PLEKHG4B: variants seen among roughly 807,000 people sequenced by gnomAD.
PLEKHG4B encodes the protein pleckstrin homology domain-containing family G member 4B.
PLEKHG4B carries 111 observed loss-of-function variants against 121.3 expected under a neutral mutation model. That is an observed-to-expected ratio of 0.92 (90% CI 0.78 to 1.07). The LOEUF is 1.07. PLEKHG4B is among the 50% of genes least tolerant of loss of function. PLEKHG4B has a pLI of 0.00. For synonymous variants in PLEKHG4B, 738 were observed against 725.0 expected, an observed-to-expected ratio of 1.02 and a Z score of -0.29; for missense variants, 1,831 against 1,757.8, an observed-to-expected ratio of 1.04 and a Z score of -0.74.
intron 1 of PLEKHG4B, among the ~76,000 whole-genome samples, chr5:103,910 C>T (rs997392671): frequency 1.3e-5 from 2 of 152,200 alleles, no homozygotes; most frequent in Non-Finnish European, 2.9e-5. Flanking sequence ...TACTCTCTAC[C>T]TTCATGAGAT....
In PLEKHG4B at chr5:171,445, G is replaced by A. The variant is rs373920135; in HGVS notation, c.4050+1G>A. ...CATGGACGCCATCCGCGGCTGTGAC[G>A]TAAGTGCCTCAGACGCTGGCAGCTC... On this transcript the variant is annotated splice_donor_variant, in intron 16 of 19. Transcript: ENST00000637938. LOFTEE classifies it high-confidence loss of function. 1.0e-5 allele frequency: 16 copies of A among 1,587,580 alleles called. No individual in the cohort carries two copies. The highest frequency in any genetic ancestry group is 4.5e-5 in the South Asian group (4 of 89,836).
Position 187,389 on chromosome 5 carries a change from C to A in PLEKHG4B, c.*5066C>A, listed in dbSNP as rs998553691. On this transcript the variant is annotated 3_prime_UTR_variant, in exon 20 of 20. Coordinates refer to ENST00000637938, the MANE Select transcript of PLEKHG4B (RefSeq NM_052909.5). ...CGGTTCTGGGGAGATGCCCGGGCCC[C>A]TCCTGGATGGCAGCAGCAGTGGAGG... 6.6e-6 allele frequency: 1 copy of A among 152,442 alleles called. No homozygotes were observed. Among genetic ancestry groups the A allele is most frequent in the African/African-American group, 2.4e-5 (1 of 41,436 alleles). 9.4% of individuals were successfully genotyped at this position (152,442 alleles called of 1,614,324 possible). A position where few individuals can be genotyped will look rare whatever the true frequency, so the allele number is the denominator to read the frequency against.
chr5:171,033 G>T lies in PLEKHG4B; in HGVS notation c.3730-10G>T. 6.2e-7 allele frequency: 1 copy of T among 1,606,794 alleles called. No homozygotes were observed. Among genetic ancestry groups the T allele is most frequent in the Non-Finnish European group, 8.5e-7 (1 of 1,176,584 alleles). ...CTCCCACAGCCAAGCAGTCGCCTCT[G>T]CTTTTCCAGGAAGAGCAGTTTGGGA... On this transcript the variant is annotated splice_polypyrimidine_tract_variant and intron_variant, in intron 14 of 19. Coordinates refer to ENST00000637938, the MANE Select transcript of PLEKHG4B (RefSeq NM_052909.5).
chr5:116,863 C>G (rs1489961073), intron 2 of PLEKHG4B, among the ~76,000 whole-genome samples: 1 of 152,158 alleles, frequency 6.6e-6, no homozygotes, highest in Non-Finnish European at 1.5e-5. Flanking sequence ...GTGGTCTGTT[C>G]AGAAGACGTT....
intron 13 of PLEKHG4B, among the ~76,000 whole-genome samples, chr5:163,991 C>A (rs1736145544): frequency 2.6e-5 from 4 of 152,276 alleles, no homozygotes; most frequent in Admixed American, 6.5e-5. Flanking sequence ...ACTTGTCGAG[C>A]CTGCAAAGGA....
chr5:98,524 T>C (rs953184676), intron 1 of PLEKHG4B, among the ~76,000 whole-genome samples: 4 of 130,376 alleles, frequency 3.1e-5, no homozygotes, highest in African/African-American at 1.1e-4. Context: ...AAATTCTGCC[T>C]CCCAGGTTCA....
intron 6 of PLEKHG4B, among the ~76,000 whole-genome samples, chr5:147,236 G>C (rs555593268): frequency 6.6e-5 from 10 of 152,378 alleles, no homozygotes; most frequent in Admixed American, 1.3e-4. Context: ...CACAGACACT[G>C]TCAGGAAAGC....
chr5:158,845 C>CCAAGT (rs1184246113), intron 11 of PLEKHG4B, among the ~76,000 whole-genome samples: 1 of 152,058 alleles, frequency 6.6e-6, no homozygotes, highest in Non-Finnish European at 1.5e-5. Flanking sequence ...TTTCCTGTAT[C>CCAAGT]CAAGTCTTCC....
At chr5:104,752 C>T (rs1733924704) in intron 1 of PLEKHG4B, among the ~76,000 whole-genome samples, 1 of 152,344 alleles carries the variant, frequency 6.6e-6, no homozygotes, top group East Asian at 1.9e-4. Context: ...TGCATTTCAA[C>T]CACCATTGCC....
In PLEKHG4B at chr5:163,682, G is replaced by A. The variant is rs571750793; in HGVS notation, c.3476+134G>A. 3.7e-3 allele frequency: 2,871 copies of A among 783,510 alleles called. 12 individuals are homozygous for A. Among genetic ancestry groups the A allele is most frequent in the Non-Finnish European group, 4.2e-3 (2,120 of 508,182 alleles). 48.5% of individuals were successfully genotyped at this position (783,510 alleles called of 1,614,324 possible). On this transcript the variant is annotated intron_variant, in intron 13 of 19. Coordinates refer to ENST00000637938, the MANE Select transcript of PLEKHG4B (RefSeq NM_052909.5). ...GACATCCCTCTGGGTCCACCTGTCC[G>A]GTCTAAGAAGAAACACAATTTTAAA...
At chr5:152,273 C>T (rs976175604) in intron 7 of PLEKHG4B, among the ~76,000 whole-genome samples, 4 of 150,650 alleles carry the variant, frequency 2.7e-5, no homozygotes, top group African/African-American at 7.4e-5. Context: ...TGTGGTTGTG[C>T]AATCAGAGCT....
intron 19 of PLEKHG4B, 37 bp from the exon 20 acceptor site, chr5:181,967 C>CG (rs1560959720): frequency 6.3e-7 from 1 of 1,590,164 alleles, no homozygotes; most frequent in Non-Finnish European, 8.6e-7. Flanking sequence ...ACTTCTGGAG[C>CG]GGAAGCCAGC....
rs1328775674 is a variant in PLEKHG4B, at chr5:157,958, C to T, written c.2487+1047C>T. 6.6e-6 allele frequency among the ~76,000 whole-genome samples: 1 copy of T among 152,116 alleles called. No individual in the cohort carries two copies. The highest frequency in any genetic ancestry group is 2.4e-5 in the African/African-American group (1 of 41,418). ...CAGACAAAGACGTGCAGCAGGGACGCGAGGCACTGTGCATGCTCCTGGCCT... is the reference window on the plus strand; with the variant it reads ...CAGACAAAGACGTGCAGCAGGGACGTGAGGCACTGTGCATGCTCCTGGCCT... On this transcript the variant is annotated intron_variant, in intron 11 of 19. Coordinates refer to ENST00000637938, the MANE Select transcript of PLEKHG4B (RefSeq NM_052909.5). The surrounding 1 kb of genome is among the most constrained non-coding windows in gnomAD (Gnocchi z 4.6).
At chr5:115,856 G>A (rs1043847759) in intron 2 of PLEKHG4B, among the ~76,000 whole-genome samples, 1 of 152,182 alleles carries the variant, frequency 6.6e-6, no homozygotes, top group African/African-American at 2.4e-5. Context: ...TGTATCTAGG[G>A]TTTGCTCTTC....
intron 2 of PLEKHG4B, among the ~76,000 whole-genome samples, chr5:125,682 A>G (rs1286554040): frequency 6.6e-6 from 1 of 152,194 alleles, no homozygotes; most frequent in East Asian, 1.9e-4. Flanking sequence ...TAATTTGCAT[A>G]TATTTACCTG....
intron 13 of PLEKHG4B, among the ~76,000 whole-genome samples, chr5:168,302 G>T (rs1736418882): frequency 6.6e-6 from 1 of 152,212 alleles, no homozygotes; most frequent in Admixed American, 6.5e-5. Context: ...TCCGTGGAGG[G>T]CCATCCCTGG....
Position 143,238 on chromosome 5 carries a change from G to A in PLEKHG4B, c.1669G>A (p.Gly557Arg), listed in dbSNP as rs750369842. The A allele has an allele frequency of 1.1e-5, 18 of 1,610,088 alleles. No homozygotes were observed. Among genetic ancestry groups the A allele is most frequent in the African/African-American group, 6.7e-5 (5 of 74,922 alleles). The change falls in exon 4 of 20, where the codon GGG becomes AGG. Residue 557 changes from glycine to arginine, a missense_variant. Coordinates refer to ENST00000637938, the MANE Select transcript of PLEKHG4B (RefSeq NM_052909.5). ...CGTCAGTCAGGAGCTGCTGCAGTCCGGGGTCGTCACCCTCCCAGGTGAGAG... is the reference window on the plus strand; with the variant it reads ...CGTCAGTCAGGAGCTGCTGCAGTCCAGGGTCGTCACCCTCCCAGGTGAGAG... ...LDVSQELLQS[G>R]VVTLPGTRDR...
At chr5:109,733 G>A (rs1425342533) in intron 1 of PLEKHG4B, among the ~76,000 whole-genome samples, 1 of 152,254 alleles carries the variant, frequency 6.6e-6, no homozygotes, top group African/African-American at 2.4e-5. Context: ...GCTTTAAAAT[G>A]GGTTTTCGGA....
chr5:109,221 C>T (rs561138014), intron 1 of PLEKHG4B, among the ~76,000 whole-genome samples: 1 of 152,132 alleles, frequency 6.6e-6, no homozygotes, highest in South Asian at 2.1e-4. Flanking sequence ...GAAACCCCAT[C>T]TCTACTGAAA....
Sources: gnomAD v4.1 joint callset for allele counts (sites outside exome capture counted in the v4.1 genomes callset) on GRCh38, gnomAD v4.1.1 for gene constraint, Gnocchi (gnomAD v3.1) non-coding constraint, MANE v1.5 for transcripts, NCBI Gene and HGNC (gene_info 2026-07-23, HGNC 2026-07-21) for gene names.